Variants in TPD52 observed in about 807,000 individuals in gnomAD.
TPD52 encodes the protein prostate and colon associated protein.
Under a neutral mutation model 31.3 loss-of-function variants are expected in TPD52, and 17 were observed. That is an observed-to-expected ratio of 0.54 (90% CI 0.37 to 0.82). TPD52 has a LOEUF of 0.82. TPD52 is among the 40% of genes least tolerant of loss of function. The probability of loss-of-function intolerance (pLI) is 0.00; values close to 1 mark genes in which losing one functional copy is unlikely to be tolerated. For missense variants in TPD52, 212 were observed against 240.1 expected (o/e 0.88, Z 0.77); for synonymous variants, 83 against 89.6 (o/e 0.93, Z 0.42).
At chr8:80,060,203 TTAAC>T (rs1812367726) in intron 2 of TPD52, among the ~76,000 whole-genome samples, 2 of 142,112 alleles carry the variant, frequency 1.4e-5, no homozygotes, top group African/African-American at 2.6e-5. Context: ...AGTGGGGACA[TTAAC>T]TAACCTTATA....
At chr8:80,131,052 A>AG (rs921293401) in intron 1 of TPD52, among the ~76,000 whole-genome samples, 55 of 152,122 alleles carry the variant, frequency 3.6e-4, no homozygotes, top group Non-Finnish European at 7.2e-4. Flanking sequence ...GGGTGGGGTG[A>AG]GGGGTAGAGG....
At position 80,057,746 on chromosome 8, in the gene TPD52, C is replaced by CCT. The variant is rs1303563424; in HGVS notation, c.136-4318_136-4317dup. Reference sequence around the variant, plus strand: ...GCAACAGGATCATTAGAAGCCCAAACCTCAACATCATGAGGCATTACCATG... The same window carrying CCT: ...GCAACAGGATCATTAGAAGCCCAAACCTCTCAACATCATGAGGCATTACCATG... On this transcript the variant is annotated intron_variant, in intron 2 of 7. Transcript: ENST00000518937. Among the ~76,000 whole-genome samples, 3 of 152,138 alleles carry CCT rather than the reference C, an allele frequency of 2.0e-5. No individual in the cohort carries two copies. In the East Asian group the frequency reaches 5.8e-4, roughly 29 times the overall value.
At chr8:80,115,457 A>C (rs1055361116) in intron 1 of TPD52, among the ~76,000 whole-genome samples, 2 of 152,218 alleles carry the variant, frequency 1.3e-5, no homozygotes, top group African/African-American at 4.8e-5. Context: ...ATAAACAAGA[A>C]AGATCAAGAG....
chr8:80,147,597 ATTCT>A (rs1810283761), intron 1 of TPD52, among the ~76,000 whole-genome samples: 1 of 152,148 alleles, frequency 6.6e-6, no homozygotes, highest in Admixed American at 6.5e-5. Context: ...TGTTTTGTTG[ATTCT>A]TTAGCACTAC....
intron 1 of TPD52, among the ~76,000 whole-genome samples, chr8:80,121,079 C>T (rs772722214): frequency 1.3e-3 from 186 of 145,588 alleles, no homozygotes; most frequent in Non-Finnish European, 2.4e-3. Context: ...GAGACTCTGT[C>T]TCAAAAAAAA....
intron 1 of TPD52, among the ~76,000 whole-genome samples, chr8:80,106,248 G>A (rs1427495384): frequency 6.6e-6 from 1 of 152,122 alleles, no homozygotes; most frequent in South Asian, 2.1e-4. Flanking sequence ...ATAACACAAA[G>A]GACAATCCAA....
chr8:80,046,338 T>C (rs1389401795), intron 5 of TPD52, among the ~76,000 whole-genome samples: 1 of 152,218 alleles, frequency 6.6e-6, no homozygotes, highest in Non-Finnish European at 1.5e-5. Flanking sequence ...AGCTATTTTA[T>C]AGTAGGAAGA....
Position 80,159,007 on chromosome 8 carries a change from T to C in TPD52, c.19+12418A>G, listed in dbSNP as rs868349885. The C allele has an allele frequency of 3.6e-5, 5 of 138,762 alleles. No individual in the cohort carries two copies. The East Asian group carries it at 1.0e-3, about 29-fold the overall frequency. The allele number at this position is 138,762 out of a possible 1,614,324, so 8.6% of individuals were successfully genotyped here. A position where few individuals can be genotyped will look rare whatever the true frequency, so the allele number is the denominator to read the frequency against. ...AACTTCAATAGAACCGCATCGAAAATGTGTTTATGAAGTACTTATTGAGCA... is the reference window on the plus strand; with the variant it reads ...AACTTCAATAGAACCGCATCGAAAACGTGTTTATGAAGTACTTATTGAGCA... On this transcript the variant is annotated intron_variant, in intron 1 of 7. Transcript: ENST00000518937.
rs202188675 is a variant in TPD52 at position 80,102,908 on chromosome 8, AAAC to A, written c.20-38318_20-38316del. Among the ~76,000 whole-genome samples, 505 of 152,314 alleles carry A rather than the reference AAAC, an allele frequency of 3.3e-3. 2 individuals are homozygous for A. Among genetic ancestry groups the A allele is most frequent in the Non-Finnish European group, 4.0e-3 (269 of 68,018 alleles). On this transcript the variant is annotated intron_variant, in intron 1 of 7. Coordinates refer to ENST00000518937, the MANE Select transcript of TPD52 (RefSeq NM_001025253.3). ...CCTATGTAATAAAGTTTCCACAAAC[AAAC>A]AACAACAACAACAAAACAGTTCTGG...
chr8:80,054,187 A>G (rs1335392466), intron 2 of TPD52, among the ~76,000 whole-genome samples: 1 of 152,198 alleles, frequency 6.6e-6, no homozygotes, highest in Non-Finnish European at 1.5e-5. Flanking sequence ...ATCTAGTTTG[A>G]GAAGTGAGAT....
At chr8:80,054,928 C>CA (rs774061379) in intron 2 of TPD52, among the ~76,000 whole-genome samples, 6 of 151,530 alleles carry the variant, frequency 4.0e-5, no homozygotes, top group Non-Finnish European at 8.8e-5. Flanking sequence ...AAGAAAAGGA[C>CA]AAAAAAAGAG....
chr8:80,106,173 T>C (rs899626299), intron 1 of TPD52, among the ~76,000 whole-genome samples: 1 of 152,146 alleles, frequency 6.6e-6, no homozygotes, highest in Admixed American at 6.5e-5. Context: ...GATACAGGCA[T>C]GCAATGCATA....
intron 1 of TPD52, among the ~76,000 whole-genome samples, chr8:80,157,053 TCC>T (rs1284101282): frequency 6.6e-5 from 10 of 152,162 alleles, no homozygotes; most frequent in Admixed American, 1.3e-4. Context: ...GATTTGAGGT[TCC>T]CGCTCCACTT....
At chr8:80,039,967 G>T (rs1810217853) in intron 7 of TPD52, among the ~76,000 whole-genome samples, 1 of 151,970 alleles carries the variant, frequency 6.6e-6, no homozygotes. Context: ...TGCAGAAGGG[G>T]TCCATGTCTC....
Position 80,117,734 on chromosome 8 carries a change from C to CTTT in TPD52, c.20-53144_20-53142dup, listed in dbSNP as rs57998208. Among the ~76,000 whole-genome samples the CTTT allele has an allele frequency of 9.8e-4, 129 of 131,374 alleles. 3 individuals are homozygous for CTTT. The highest frequency in any genetic ancestry group is 2.4e-3 in the African/African-American group (84 of 34,986). 86.2% of individuals were successfully genotyped at this position (131,374 alleles called of 152,430 possible). ...ACTCATGCTTTCTTTTTTTTTCTTT[C>CTTT]TTTTTTTTTTTTTTTTGAGACAGAG... On this transcript the variant is annotated intron_variant, in intron 1 of 7. Transcript: ENST00000518937.
downstream of TPD52, chr8:80,033,315 G>A (rs1197061763): frequency 1.0e-4 from 15 of 145,050 alleles, no homozygotes; most frequent in African/African-American, 2.8e-4. Context: ...CGGGGAGGGG[G>A]GTTGGGGGGG....
chr8:80,073,259 T>C (rs1286560364), intron 1 of TPD52, among the ~76,000 whole-genome samples: 1 of 152,236 alleles, frequency 6.6e-6, no homozygotes, highest in Non-Finnish European at 1.5e-5. Flanking sequence ...TCTAAGTGTG[T>C]CATTCAGTGA....
At chr8:80,058,907 G>A (rs1404219670) in intron 2 of TPD52, among the ~76,000 whole-genome samples, 1 of 152,160 alleles carries the variant, frequency 6.6e-6, no homozygotes, top group African/African-American at 2.4e-5. Context: ...GAAAAAATGA[G>A]TAGTACAAAC....
intron 1 of TPD52, among the ~76,000 whole-genome samples, chr8:80,083,971 G>C (rs774068492): frequency 5.3e-5 from 8 of 152,142 alleles, no homozygotes; most frequent in Non-Finnish European, 1.2e-4. Context: ...TCACATCCAA[G>C]CACTCTCACT....
Sources: gnomAD v4.1 joint callset for allele counts (sites outside exome capture counted in the v4.1 genomes callset) on GRCh38, gnomAD v4.1.1 for gene constraint, MANE v1.5 for transcripts, NCBI Gene and HGNC (gene_info 2026-07-23, HGNC 2026-07-21) for gene names.